CNTN6: variants seen among roughly 807,000 people sequenced by gnomAD.
CNTN6 encodes contactin-6.
Under a neutral mutation model 122.8 loss-of-function variants are expected in CNTN6, and 137 were observed. That is an observed-to-expected ratio of 1.12 (90% CI 0.97 to 1.29). CNTN6 has a LOEUF of 1.29. Among genes scored for constraint, CNTN6 ranks in the 50% most tolerant of loss-of-function variants. CNTN6 has a pLI of 0.00. For missense variants in CNTN6, 1,634 were observed against 1,223.4 expected, an observed-to-expected ratio of 1.34 and a Z score of -5.01; for synonymous variants, 570 against 426.0, an observed-to-expected ratio of 1.34 and a Z score of -4.16.
rs79780536 is a variant in CNTN6, at chr3:1,372,800, G to T, written c.1669-38G>T. 26 of 1,260,574 alleles carry T rather than the reference G, an allele frequency of 2.1e-5. No individual in the cohort carries two copies. The African/African-American group carries it at 3.6e-4, about 17-fold the overall frequency. The allele number at this position is 1,260,574 out of a possible 1,614,324, so 78.1% of individuals were successfully genotyped here. A position where few individuals can be genotyped will look rare whatever the true frequency, so the allele number is the denominator to read the frequency against. ...CAATAAAGTAGGACTTGTTATATGG[G>T]CTTACGTTTTTATCCATTTCTCCCT... On this transcript the variant is annotated intron_variant, in intron 13 of 22. Transcript: ENST00000446702.
intron 4 of CNTN6, among the ~76,000 whole-genome samples, chr3:1,229,381 A>G (rs768178385): frequency 3.9e-5 from 6 of 152,160 alleles, no homozygotes; most frequent in Non-Finnish European, 7.4e-5. Context: ...CAACATACAC[A>G]TGATATGAAT....
intron 1 of CNTN6, among the ~76,000 whole-genome samples, chr3:1,132,939 C>T (rs1415766942): frequency 1.3e-5 from 2 of 152,090 alleles, no homozygotes; most frequent in East Asian, 3.9e-4. Context: ...ATTATTGCTT[C>T]TGAGAGGCTT....
chr3:1,388,154 A>G (rs1262596099), intron 20 of CNTN6, among the ~76,000 whole-genome samples: 52 of 151,720 alleles, frequency 3.4e-4, no homozygotes, highest in South Asian at 2.1e-3. Context: ...GCAGAGTTAA[A>G]TGTCCCTGTC....
intron 4 of CNTN6, among the ~76,000 whole-genome samples, chr3:1,232,932 A>T (rs1408052258): frequency 6.6e-6 from 1 of 152,220 alleles, no homozygotes; most frequent in Non-Finnish European, 1.5e-5. Flanking sequence ...GGAAATGCAG[A>T]TGTGTGAACA....
chr3:1,345,855 A>G (rs1238496553), intron 11 of CNTN6, among the ~76,000 whole-genome samples: 6 of 152,166 alleles, frequency 3.9e-5, no homozygotes, highest in Non-Finnish European at 8.8e-5. Flanking sequence ...ATCAATTAAA[A>G]TTTCATGGTC....
At chr3:1,367,153 C>G (rs1708344867) in intron 12 of CNTN6, among the ~76,000 whole-genome samples, 1 of 152,100 alleles carries the variant, frequency 6.6e-6, no homozygotes, top group Non-Finnish European at 1.5e-5. Context: ...CACATCCTAT[C>G]ATTTTTTTGT....
intron 1 of CNTN6, among the ~76,000 whole-genome samples, chr3:1,117,148 G>A (rs2091755160): frequency 6.6e-6 from 1 of 152,098 alleles, no homozygotes; most frequent in African/African-American, 2.4e-5. Context: ...GATTTATATT[G>A]CCTTTGTTGT....
At chr3:1,223,458 A>T (rs1420063451) in intron 3 of CNTN6, among the ~76,000 whole-genome samples, 2 of 152,216 alleles carry the variant, frequency 1.3e-5, no homozygotes, top group Non-Finnish European at 2.9e-5. Flanking sequence ...ATGAAAAAGG[A>T]TTACCCTTTA....
intron 4 of CNTN6, among the ~76,000 whole-genome samples, chr3:1,248,079 C>G (rs1423219787): frequency 6.6e-6 from 1 of 152,168 alleles, no homozygotes; most frequent in East Asian, 1.9e-4. Context: ...CAACCTGTAA[C>G]TGACTCCAGA....
In CNTN6 at chr3:1,377,080, T is replaced by A; in HGVS notation, c.2166+5T>A. ...GAACTCGTCATTACGTGGGAGGTAA[T>A]TTTCTGTCCAACTGAGTTATTTTGA... On this transcript the variant is annotated splice_donor_5th_base_variant and intron_variant, in intron 17 of 22. Coordinates refer to ENST00000446702, the MANE Select transcript of CNTN6 (RefSeq NM_001289080.2). The A allele has an allele frequency of 5.7e-6, 9 of 1,588,594 alleles. No individual in the cohort carries two copies. Among genetic ancestry groups the A allele is most frequent in the Non-Finnish European group, 7.7e-6 (9 of 1,164,330 alleles).
chr3:1,152,453 T>C (rs977323628), intron 2 of CNTN6, among the ~76,000 whole-genome samples: 1 of 152,128 alleles, frequency 6.6e-6, no homozygotes, highest in Non-Finnish European at 1.5e-5. Flanking sequence ...AATATTTTAT[T>C]TTTTAATAAA....
chr3:1,100,365 G>A (rs912124276), intron 1 of CNTN6, among the ~76,000 whole-genome samples: 2 of 152,020 alleles, frequency 1.3e-5, no homozygotes, highest in Non-Finnish European at 2.9e-5. Flanking sequence ...TGCTCATGAG[G>A]GGACTGTTTA....
intron 5 of CNTN6, among the ~76,000 whole-genome samples, chr3:1,286,804 T>G (rs779075286): frequency 1.5e-4 from 23 of 152,182 alleles, no homozygotes; most frequent in Middle Eastern, 3.4e-3. Context: ...CCATCTCACA[T>G]GCAAAGACAC....
intron 1 of CNTN6, chr3:1,128,129 A>G (rs1213096618): frequency 6.6e-6 from 1 of 152,002 alleles, no homozygotes; most frequent in Non-Finnish European, 1.5e-5. Flanking sequence ...TTATAGAGAC[A>G]GTTGTAACTA....
At chr3:1,352,550 T>C in intron 12 of CNTN6, 99 bp downstream of exon 12, 1 of 1,420,584 alleles carries the variant, frequency 7.0e-7, no homozygotes, top group Non-Finnish European at 9.7e-7. Context: ...ATTGTGTATG[T>C]AAAATTGTTG....
chr3:1,187,905 G>A (rs1432425862), intron 2 of CNTN6, among the ~76,000 whole-genome samples: 1 of 152,112 alleles, frequency 6.6e-6, no homozygotes, highest in Non-Finnish European at 1.5e-5. Context: ...TGGGCAGTCT[G>A]TTCTTTCCTG....
chr3:1,232,653 T>C (rs181679738), intron 4 of CNTN6, among the ~76,000 whole-genome samples: 2 of 152,268 alleles, frequency 1.3e-5, no homozygotes, highest in African/African-American at 4.8e-5. Flanking sequence ...ACACACCGTA[T>C]GTGGGAGAGT....
At chr3:1,277,501 C>G (rs1247928764) in intron 4 of CNTN6, among the ~76,000 whole-genome samples, 1 of 151,664 alleles carries the variant, frequency 6.6e-6, no homozygotes, top group Non-Finnish European at 1.5e-5. Context: ...GCTGGAATTA[C>G]AGGCGTGTGC....
At chr3:1,212,479 GTGTGTGTATATATATACA>G (rs200488724) in intron 2 of CNTN6, among the ~76,000 whole-genome samples, 16,500 of 149,942 alleles carry the variant, frequency 0.11, 1,726 homozygotes, top group East Asian at 0.48. Context: ...ACACATACAT[GTGTGTGTATATATATACA>G]TGTGTGTATA....
Sources: gnomAD v4.1 joint callset for allele counts (sites outside exome capture counted in the v4.1 genomes callset) on GRCh38, gnomAD v4.1.1 for gene constraint, MANE v1.5 for transcripts, NCBI Gene and HGNC (gene_info 2026-07-23, HGNC 2026-07-21) for gene names.